MCUB: variants seen among roughly 807,000 people sequenced by gnomAD.
MCUB encodes the protein mitochondrial calcium uniporter dominant negative subunit beta.
Under a neutral mutation model 41.4 loss-of-function variants are expected in MCUB, and 46 were observed. The ratio of observed to expected loss-of-function variants is 1.11; its 90% CI spans 0.88 to 1.42. The LOEUF is 1.42. MCUB is among the 40% of genes most tolerant of loss of function. MCUB has a pLI of 0.00. For missense variants in MCUB, 403 were observed against 404.9 expected (o/e 1.00, Z 0.04); for synonymous variants, 148 against 148.2 (o/e 1.00, Z 0.01).
chr4:109,615,516 C>T (rs997446112), intron 1 of MCUB, among the ~76,000 whole-genome samples: 2 of 151,532 alleles, frequency 1.3e-5, no homozygotes, highest in Non-Finnish European at 2.9e-5. Context: ...ACGCCATTCT[C>T]CTGCCTCAGT....
chr4:109,634,501 A>G (rs946763488), intron 1 of MCUB, among the ~76,000 whole-genome samples: 8 of 151,528 alleles, frequency 5.3e-5, no homozygotes, highest in Admixed American at 2.6e-4. Context: ...AAAAAAAAAA[A>G]AAGAAGTGTC....
chr4:109,574,934 A>T (rs1398462869), intron 1 of MCUB, among the ~76,000 whole-genome samples: 1 of 152,250 alleles, frequency 6.6e-6, no homozygotes, highest in East Asian at 1.9e-4. Context: ...ATCCAAAAAA[A>T]GTATGAGACT....
chr4:109,580,919 A>G (rs1207728731), intron 1 of MCUB, among the ~76,000 whole-genome samples: 1 of 152,160 alleles, frequency 6.6e-6, no homozygotes, highest in Non-Finnish European at 1.5e-5. Flanking sequence ...GCTCATGGGT[A>G]GGAAGAATCA....
intron 1 of MCUB, among the ~76,000 whole-genome samples, chr4:109,605,842 C>A (rs1727856872): frequency 6.6e-6 from 1 of 152,234 alleles, no homozygotes; most frequent in East Asian, 1.9e-4. Flanking sequence ...TATAACTACT[C>A]CTTTTTTGGG....
chr4:109,644,732 C>G lies in MCUB; in HGVS notation c.100-14279C>G, dbSNP rs989558666. On this transcript the variant is annotated intron_variant, in intron 1 of 7. Transcript: ENST00000394650. ...CAGTTTATTTTCTACGCATTGTATGCAGTTTTTCACCATTACACCTAAATT... is the reference window on the plus strand; with the variant it reads ...CAGTTTATTTTCTACGCATTGTATGGAGTTTTTCACCATTACACCTAAATT... Among the ~76,000 whole-genome samples, 3 of 152,300 alleles carry G rather than the reference C, an allele frequency of 2.0e-5. No individual in the cohort carries two copies. In the East Asian group the frequency reaches 5.8e-4, roughly 29 times the overall value.
intron 3 of MCUB, among the ~76,000 whole-genome samples, chr4:109,662,058 G>A (rs779957798): frequency 6.6e-6 from 1 of 152,160 alleles, no homozygotes; most frequent in Non-Finnish European, 1.5e-5. Context: ...CACAGTGACC[G>A]CAAAGGAGGG....
chr4:109,647,372 G>C (rs540042417), intron 1 of MCUB, among the ~76,000 whole-genome samples: 27 of 152,298 alleles, frequency 1.8e-4, no homozygotes, highest in African/African-American at 6.3e-4. Context: ...GGCAGCCACT[G>C]ATCCTTTTAC....
intron 1 of MCUB, among the ~76,000 whole-genome samples, chr4:109,649,729 G>A (rs1452985577): frequency 6.9e-6 from 1 of 145,114 alleles, no homozygotes; most frequent in Non-Finnish European, 1.5e-5. Context: ...TTCCTGCCTG[G>A]GACTCATTTA....
intron 1 of MCUB, among the ~76,000 whole-genome samples, chr4:109,653,766 G>A (rs1194308545): frequency 6.6e-6 from 1 of 152,074 alleles, no homozygotes; most frequent in Non-Finnish European, 1.5e-5. Context: ...GTAGAGATGG[G>A]GTTTCACCAT....
intron 1 of MCUB, among the ~76,000 whole-genome samples, chr4:109,582,669 A>C (rs1032889926): frequency 1.1e-4 from 17 of 151,480 alleles, no homozygotes; most frequent in Non-Finnish European, 5.9e-5. Flanking sequence ...ATCGTATTGC[A>C]TAGGTTTTCT....
chr4:109,656,354 C>CTTTTTTTTTTTTTTT (rs752851425), intron 1 of MCUB, among the ~76,000 whole-genome samples: 1 of 62,096 alleles, frequency 1.6e-5, no homozygotes. Flanking sequence ...TTACTCTCTA[C>CTTTTTTTTTTTTTTT]TTTTTTTTTT....
chr4:109,613,531 G>A (rs1728063797), intron 1 of MCUB, among the ~76,000 whole-genome samples: 4 of 152,128 alleles, frequency 2.6e-5, no homozygotes. Context: ...CTTCCACTTG[G>A]TCCTCTTCAA....
intron 6 of MCUB, 66 bp downstream of exon 6, chr4:109,684,712 T>A (rs1175565096): frequency 5.2e-6 from 4 of 771,472 alleles, no homozygotes; most frequent in Admixed American, 2.5e-5. Context: ...ATCTAAGCAA[T>A]GAGCAAAAAA....
At chr4:109,673,472 C>T (rs751200977) in intron 4 of MCUB, among the ~76,000 whole-genome samples, 1 of 152,136 alleles carries the variant, frequency 6.6e-6, no homozygotes, top group Non-Finnish European at 1.5e-5. Context: ...GTCAGTGAGC[C>T]CAGGTTTCCC....
chr4:109,568,941 G>A (rs1036220061), intron 1 of MCUB, among the ~76,000 whole-genome samples: 2 of 152,170 alleles, frequency 1.3e-5, no homozygotes, highest in African/African-American at 4.8e-5. Flanking sequence ...AATCTAGGGG[G>A]AAAACCTGAA....
chr4:109,632,398 C>T (rs4698770), intron 1 of MCUB, among the ~76,000 whole-genome samples: 115,317 of 152,046 alleles, frequency 0.76, 44,820 homozygotes, highest in African/African-American at 0.94. Context: ...TTTAGACTTA[C>T]CATTTATTGT....
chr4:109,656,354 CTTTTTTTT>C (rs752851425), intron 1 of MCUB, among the ~76,000 whole-genome samples: 2 of 62,094 alleles, frequency 3.2e-5, no homozygotes, highest in Admixed American at 2.6e-4. Flanking sequence ...TTACTCTCTA[CTTTTTTTT>C]TTTTTTTTTT....
At chr4:109,672,530 G>C (rs148803536) in intron 4 of MCUB, among the ~76,000 whole-genome samples, 10 of 152,296 alleles carry the variant, frequency 6.6e-5, no homozygotes, top group African/African-American at 2.2e-4. Flanking sequence ...GTAGGAGGAA[G>C]AAATTCATAA....
intron 1 of MCUB, among the ~76,000 whole-genome samples, chr4:109,570,862 G>C (rs1726897381): frequency 6.6e-6 from 1 of 152,226 alleles, no homozygotes; most frequent in Non-Finnish European, 1.5e-5. Context: ...AAGATGTGTA[G>C]AGATTTCAGC....
Sources: gnomAD v4.1 joint callset for allele counts (sites outside exome capture counted in the v4.1 genomes callset) on GRCh38, gnomAD v4.1.1 for gene constraint, MANE v1.5 for transcripts, NCBI Gene and HGNC (gene_info 2026-07-23, HGNC 2026-07-21) for gene names.